WDR49: variants seen among roughly 807,000 people sequenced by gnomAD.
WDR49 encodes the protein WD repeat domain 49.
WDR49 carries 107 observed loss-of-function variants against 119.5 expected under a neutral mutation model. The ratio of observed to expected loss-of-function variants is 0.90; its 90% confidence interval spans 0.77 to 1.05. The LOEUF is 1.05. WDR49 is among the 50% of genes least tolerant of loss of function. The probability of loss-of-function intolerance (pLI) is 0.00; values close to 1 mark genes in which losing one functional copy is unlikely to be tolerated. For synonymous variants in WDR49, 425 were observed against 418.8 expected (o/e 1.01, Z -0.18); for missense variants, 1,240 against 1,220.5 (o/e 1.02, Z -0.24).
chr3:167,556,548 C>A (rs1274882176), intron 9 of WDR49, among the ~76,000 whole-genome samples: 1 of 152,182 alleles, frequency 6.6e-6, no homozygotes, highest in Admixed American at 6.5e-5. Flanking sequence ...TACTATGAAA[C>A]CTTGTTGGCA....
chr3:167,625,072 A>T (rs1577285865), intron 3 of WDR49, among the ~76,000 whole-genome samples: 1 of 152,186 alleles, frequency 6.6e-6, no homozygotes, highest in East Asian at 1.9e-4. Context: ...TGAATAGATT[A>T]GGGCATAGGA....
chr3:167,487,901 G>A (rs1196280536), intron 18 of WDR49, among the ~76,000 whole-genome samples: 17 of 151,940 alleles, frequency 1.1e-4, no homozygotes, highest in African/African-American at 3.9e-4. Context: ...GTGCAGAAAA[G>A]GGAAGGCTTA....
At chr3:167,609,580 T>A (rs899025948) in intron 5 of WDR49, among the ~76,000 whole-genome samples, 1 of 152,094 alleles carries the variant, frequency 6.6e-6, no homozygotes, top group Non-Finnish European at 1.5e-5. Flanking sequence ...GCACTGTTTG[T>A]CTCCAAATAA....
intron 7 of WDR49, among the ~76,000 whole-genome samples, chr3:167,578,808 C>T (rs767480153): frequency 1.3e-5 from 2 of 152,230 alleles, no homozygotes; most frequent in East Asian, 3.9e-4. Context: ...TTTTCACTTG[C>T]CTTGATGTCT....
chr3:167,480,172 C>T (rs1012096665), intron 18 of WDR49, among the ~76,000 whole-genome samples: 1 of 148,754 alleles, frequency 6.7e-6, no homozygotes, highest in Non-Finnish European at 1.5e-5. Context: ...TTGCTTGAAC[C>T]CAGGAGGCAG....
At chr3:167,616,711 C>T (rs1005064622) in intron 5 of WDR49, among the ~76,000 whole-genome samples, 2 of 151,624 alleles carry the variant, frequency 1.3e-5, no homozygotes, top group African/African-American at 4.8e-5. Context: ...AACTACAGAT[C>T]CACAAATCCA....
chr3:167,544,074 A>G (rs1712011472), intron 10 of WDR49, among the ~76,000 whole-genome samples: 1 of 151,858 alleles, frequency 6.6e-6, no homozygotes. Flanking sequence ...GCAAAAAAAA[A>G]AAGTAAATAA....
At chr3:167,550,210 G>A (rs1462716299) in intron 10 of WDR49, among the ~76,000 whole-genome samples, 2 of 152,088 alleles carry the variant, frequency 1.3e-5, no homozygotes, top group Non-Finnish European at 2.9e-5. Context: ...CTTTAAAGTA[G>A]TTTTTTCCAA....
intron 18 of WDR49, among the ~76,000 whole-genome samples, chr3:167,499,147 T>C (rs1426329732): frequency 6.6e-6 from 1 of 152,106 alleles, no homozygotes; most frequent in Non-Finnish European, 1.5e-5. Context: ...ACTATGGTAA[T>C]GAAGTATGAC....
intron 2 of WDR49, among the ~76,000 whole-genome samples, chr3:167,634,037 C>T (rs1035780824): frequency 3.3e-5 from 5 of 151,886 alleles, no homozygotes; most frequent in Admixed American, 6.6e-5. Context: ...TCATTTCCTT[C>T]AATGAAAAGT....
chr3:167,620,452 T>G lies in WDR49; in HGVS notation c.935A>C (p.His312Pro). 2.0e-6 allele frequency: 3 copies of G among 1,535,638 alleles called. No homozygotes were observed. Among genetic ancestry groups the G allele is most frequent in the Non-Finnish European group, 2.6e-6 (3 of 1,146,438 alleles). Residue 312 changes from histidine (H) to proline (P), a missense_variant, in exon 5 of 19, where the codon CAT becomes CCT. His to Pro is a moderately conservative substitution (Grantham distance 77). Coordinates refer to ENST00000682715, the MANE Select transcript of WDR49 (RefSeq NM_001366157.1). ...KCCHILEHKL[H>P]QGDWVRQVTY... ...ACCTTGCCTGACCCAATCTCCTTGA[T>G]GAAGTTTATGCTCTAATATATGGCA... is the stretch of plus-strand genomic sequence containing the variant.
intron 16 of WDR49, among the ~76,000 whole-genome samples, chr3:167,506,572 T>C (rs1751776097): frequency 1.3e-5 from 2 of 152,154 alleles, no homozygotes; most frequent in African/African-American, 4.8e-5. Context: ...AACTTTTCCT[T>C]TTAGAGGTTT....
chr3:167,491,840 T>C (rs987470238), intron 18 of WDR49, among the ~76,000 whole-genome samples: 3 of 151,946 alleles, frequency 2.0e-5, no homozygotes, highest in Non-Finnish European at 4.4e-5. Context: ...AAAGGGAAAG[T>C]GTGAAGAAAG....
chr3:167,633,730 T>C (rs955733662), intron 2 of WDR49, among the ~76,000 whole-genome samples: 4 of 151,522 alleles, frequency 2.6e-5, no homozygotes, highest in Admixed American at 6.8e-5. Flanking sequence ...CACACATCTT[T>C]AAATTAGTGC....
At chr3:167,574,667 A>T (rs2108282775) in intron 8 of WDR49, among the ~76,000 whole-genome samples, 1 of 152,290 alleles carries the variant, frequency 6.6e-6, no homozygotes, top group Non-Finnish European at 1.5e-5. Flanking sequence ...ATAAATCCAG[A>T]TCTTCTTTGT....
chr3:167,572,642 G>A (rs573104903), intron 8 of WDR49, among the ~76,000 whole-genome samples: 134 of 152,136 alleles, frequency 8.8e-4, no homozygotes, highest in African/African-American at 3.2e-3. Context: ...AGGAGCTGTG[G>A]GAAAATACAA....
chr3:167,557,620 G>A (rs1037018420), intron 9 of WDR49, among the ~76,000 whole-genome samples: 1 of 152,038 alleles, frequency 6.6e-6, no homozygotes, highest in Non-Finnish European at 1.5e-5. Context: ...GGGCGTGGTG[G>A]CAGGCGCCTG....
At chr3:167,637,943 A>G (rs988245944) in intron 2 of WDR49, among the ~76,000 whole-genome samples, 22 of 151,588 alleles carry the variant, frequency 1.5e-4, no homozygotes, top group African/African-American at 5.3e-4. Flanking sequence ...AAACAGCAAC[A>G]GTTTGACTTC....
intron 2 of WDR49, among the ~76,000 whole-genome samples, chr3:167,652,693 T>C (rs771385423): frequency 6.6e-6 from 1 of 152,194 alleles, no homozygotes; most frequent in Non-Finnish European, 1.5e-5. Context: ...AATTCTAATT[T>C]TGTTTTTATT....
Sources: gnomAD v4.1 joint callset for allele counts (sites outside exome capture counted in the v4.1 genomes callset) on GRCh38, gnomAD v4.1.1 for gene constraint, MANE v1.5 for transcripts, NCBI Gene and HGNC (gene_info 2026-07-23, HGNC 2026-07-21) for gene names.